The following GABRG2 variants were observed in gnomAD, a reference collection of about 807,000 sequenced individuals.
GABRG2 encodes gamma-aminobutyric acid type A receptor subunit gamma2.
A neutral mutation model predicts 56.4 loss-of-function variants in GABRG2; 16 were observed. That is an observed-to-expected ratio of 0.28 (90% CI 0.19 to 0.43). The LOEUF (loss-of-function observed/expected upper bound fraction) is 0.43, where lower values mean the gene tolerates loss of function less well. Ranked by LOEUF, GABRG2 falls within the 20% of genes least tolerant of loss-of-function variation. The pLI is 1.00. For missense variants in GABRG2, 327 were observed against 582.7 expected (o/e 0.56, Z 4.52); for synonymous variants, 208 against 205.5 (o/e 1.01, Z -0.10).
At chr5:162,092,469 A>C (rs1561641318) in intron 1 of GABRG2, among the ~76,000 whole-genome samples, 1 of 152,170 alleles carries the variant, frequency 6.6e-6, no homozygotes, top group Non-Finnish European at 1.5e-5. Context: ...TTCATCCTCT[A>C]TCCTTATTCT....
chr5:162,083,898 C>G (rs1759852436), intron 1 of GABRG2, among the ~76,000 whole-genome samples: 1 of 151,712 alleles, frequency 6.6e-6, no homozygotes, highest in African/African-American at 2.4e-5. Flanking sequence ...GAACTTTTTT[C>G]ATAAAACAAA....
intron 1 of GABRG2, among the ~76,000 whole-genome samples, chr5:162,076,989 T>A (rs114271076): frequency 2.0e-3 from 298 of 152,124 alleles, no homozygotes; most frequent in African/African-American, 7.0e-3. Context: ...AAAGACATAA[T>A]ATAGATTCAA....
chr5:162,105,405 CTGA>C (rs1761730591), intron 6 of GABRG2, among the ~76,000 whole-genome samples: 1 of 148,100 alleles, frequency 6.8e-6, no homozygotes. Context: ...TGCAAGAAAC[CTGA>C]CCATCAAGTA....
chr5:162,100,360 C>G (rs1290620524), intron 4 of GABRG2: 1 of 151,978 alleles, frequency 6.6e-6, no homozygotes, highest in Non-Finnish European at 1.5e-5. Context: ...TTCCTTACAT[C>G]AATAATATCT....
At chr5:162,074,421 A>G (rs1581293230) in intron 1 of GABRG2, among the ~76,000 whole-genome samples, 2 of 152,178 alleles carry the variant, frequency 1.3e-5, no homozygotes, top group East Asian at 3.9e-4. Context: ...ATCCTTTGTT[A>G]TAATTGAAAC....
chr5:162,133,201 T>A (rs1286170631), intron 6 of GABRG2, among the ~76,000 whole-genome samples: 1 of 152,124 alleles, frequency 6.6e-6, no homozygotes, highest in Non-Finnish European at 1.5e-5. Flanking sequence ...ACAGAAGTTA[T>A]TCTTCAAATC....
chr5:162,141,478 G>GA (rs1287872955), intron 6 of GABRG2, among the ~76,000 whole-genome samples: 22 of 152,186 alleles, frequency 1.4e-4, no homozygotes, highest in African/African-American at 5.3e-4. Flanking sequence ...GAGTCATGCA[G>GA]AATGCTAACT....
intron 8 of GABRG2, chr5:162,149,544 G>A (rs762909669): frequency 2.6e-6 from 2 of 758,878 alleles, no homozygotes; most frequent in East Asian, 2.4e-5. Context: ...ATAATTACCT[G>A]CTCTCTTTAT....
chr5:162,081,252 A>T (rs561348658), intron 1 of GABRG2, among the ~76,000 whole-genome samples: 1 of 152,208 alleles, frequency 6.6e-6, no homozygotes, highest in Admixed American at 6.5e-5. Flanking sequence ...CTCATACTTT[A>T]TTATTAGGAA....
At chr5:162,098,590 A>G (rs1260942882) in intron 4 of GABRG2, 1 of 152,238 alleles carries the variant, frequency 6.6e-6, no homozygotes, top group Non-Finnish European at 1.5e-5. Flanking sequence ...ACATAGTCTT[A>G]CGAATCAGAC....
At chr5:162,078,635 GA>G (rs1759391936) in intron 1 of GABRG2, among the ~76,000 whole-genome samples, 1 of 151,028 alleles carries the variant, frequency 6.6e-6, no homozygotes. Flanking sequence ...TCAATCTCCT[GA>G]CCTCCTGATC....
chr5:162,138,944 G>A (rs961973613), intron 6 of GABRG2, among the ~76,000 whole-genome samples: 2 of 151,900 alleles, frequency 1.3e-5, no homozygotes, highest in Non-Finnish European at 2.9e-5. Context: ...TGTGGAAAAT[G>A]AGAACCTAAA....
intron 4 of GABRG2, chr5:162,098,335 T>C (rs776593692): frequency 1.3e-5 from 2 of 158,402 alleles, no homozygotes; most frequent in East Asian, 1.8e-4. Flanking sequence ...ATTATGTTAA[T>C]AGGCTATTTA....
At chr5:162,080,474 A>T (rs1389064707) in intron 1 of GABRG2, among the ~76,000 whole-genome samples, 1 of 152,122 alleles carries the variant, frequency 6.6e-6, no homozygotes, top group Non-Finnish European at 1.5e-5. Flanking sequence ...TAAGAATGAA[A>T]GGAAGGTCCA....
At chr5:162,080,866 T>A (rs1759601694) in intron 1 of GABRG2, among the ~76,000 whole-genome samples, 1 of 152,206 alleles carries the variant, frequency 6.6e-6, no homozygotes, top group Admixed American at 6.5e-5. Flanking sequence ...TAAAACATAC[T>A]TATTTTATGG....
chr5:162,140,066 T>C (rs1039768466), intron 6 of GABRG2, among the ~76,000 whole-genome samples: 1 of 152,244 alleles, frequency 6.6e-6, no homozygotes, highest in Non-Finnish European at 1.5e-5. Context: ...TGAAATGCTA[T>C]GGCTTTAAAT....
rs1360608082 is a variant in GABRG2, at chr5:162,153,450, C to A, written c.*82C>A. 6.9e-7 allele frequency: 1 copy of A among 1,448,976 alleles called. No homozygotes were observed. Among genetic ancestry groups the A allele is most frequent in the Non-Finnish European group, 9.7e-7 (1 of 1,031,776 alleles). 89.8% of individuals were successfully genotyped at this position (1,448,976 alleles called of 1,614,324 possible). ...CTGTTCTAAGTCCACTTAAATAATC[C>A]TCTATGTGGTTGATAATGATCTGAA... On this transcript the variant is annotated 3_prime_UTR_variant, in exon 10 of 10. Coordinates refer to ENST00000639213, the MANE Select transcript of GABRG2 (RefSeq NM_198904.4).
intron 4 of GABRG2, 155 bp downstream of exon 4, chr5:162,098,013 C>T (rs1160134190): frequency 1.5e-6 from 1 of 652,586 alleles, no homozygotes; most frequent in African/African-American, 1.8e-5. Flanking sequence ...GACATCAAAA[C>T]ATTAGTTTTT....
At chr5:162,143,900 T>C (rs375181004) in intron 7 of GABRG2, among the ~76,000 whole-genome samples, 1 of 152,196 alleles carries the variant, frequency 6.6e-6, no homozygotes, top group East Asian at 1.9e-4. Context: ...AAGTGATTAC[T>C]GGGGGAAAAG....
Sources: gnomAD v4.1 joint callset for allele counts (sites outside exome capture counted in the v4.1 genomes callset) on GRCh38, gnomAD v4.1.1 for gene constraint, MANE v1.5 for transcripts, NCBI Gene and HGNC (gene_info 2026-07-23, HGNC 2026-07-21) for gene names.